Variants in RPRD2 observed in about 807,000 individuals in gnomAD.
RPRD2 encodes the protein regulation of nuclear pre-mRNA domain-containing protein 2.
A neutral mutation model predicts 104.4 loss-of-function variants in RPRD2; 12 were observed. The observed-to-expected ratio is 0.11, with a 90% CI of 0.07 to 0.19. The LOEUF (loss-of-function observed/expected upper bound fraction) is 0.19. RPRD2 is among the 10% of genes least tolerant of loss of function. The pLI, the probability that RPRD2 is intolerant of heterozygous loss-of-function variation, is 1.00. For synonymous variants in RPRD2, 714 were observed against 684.9 expected, an observed-to-expected ratio of 1.04 and a Z score of -0.66; for missense variants, 1,543 against 1,790.1, an observed-to-expected ratio of 0.86 and a Z score of 2.49.
chr1:150,452,661 CTTTTT>C (rs782322743), intron 7 of RPRD2, among the ~76,000 whole-genome samples: 184 of 71,240 alleles, frequency 2.6e-3, no homozygotes, highest in African/African-American at 1.0e-2. Context: ...GACATATCCC[CTTTTT>C]TTTTTTTTTT....
intron 7 of RPRD2, among the ~76,000 whole-genome samples, chr1:150,450,616 A>C (rs1227254461): frequency 4.7e-5 from 7 of 149,484 alleles, no homozygotes; most frequent in Non-Finnish European, 1.0e-4. Context: ...AAAAAAAAAA[A>C]AAAAAAAAAA....
At chr1:150,435,581 A>G (rs782237791) in intron 2 of RPRD2, among the ~76,000 whole-genome samples, 2 of 152,248 alleles carry the variant, frequency 1.3e-5, no homozygotes, top group Non-Finnish European at 2.9e-5. Flanking sequence ...ATCAAGCCAG[A>G]TACAACATAA....
At chr1:150,428,985 AT>A (rs1156454638) in intron 2 of RPRD2, among the ~76,000 whole-genome samples, 22 of 149,780 alleles carry the variant, frequency 1.5e-4, no homozygotes, top group Non-Finnish European at 2.4e-4. Context: ...AGGTCAGCCA[AT>A]TTTTTTTTTA....
chr1:150,471,681 G>A lies in RPRD2; in HGVS notation c.2733G>A (p.Gly911=), dbSNP rs776988265. 1 of 1,613,836 alleles carries A rather than the reference G, an allele frequency of 6.2e-7. No individual in the cohort carries two copies. The highest frequency in any genetic ancestry group is 1.6e-4 in the Middle Eastern group (1 of 6,062). Residue 911 remains glycine (G), a synonymous_variant, in exon 11 of 11, where the codon GGG becomes GGA. Coordinates refer to ENST00000369068, the MANE Select transcript of RPRD2 (RefSeq NM_015203.5). This position sits in a 1 kb window ranked among gnomAD's most constrained non-coding sequence, Gnocchi z 5.3. The part of the protein sequence containing the change: ...ENCDRLSSSP[G]LFGAFSVRGN... ...GTGACCGTCTCTCATCTTCCCCTGGGCTATTTGGTGCCTTCAGCGTAAGAG... is the reference window on the plus strand; with the variant it reads ...GTGACCGTCTCTCATCTTCCCCTGGACTATTTGGTGCCTTCAGCGTAAGAG...
At chr1:150,410,891 T>G (rs978961843) in intron 1 of RPRD2, among the ~76,000 whole-genome samples, 6 of 152,168 alleles carry the variant, frequency 3.9e-5, no homozygotes, top group African/African-American at 1.4e-4. Context: ...CCTTCCTGGC[T>G]TTAGTCTGTC....
intron 2 of RPRD2, among the ~76,000 whole-genome samples, chr1:150,433,880 TATA>T (rs1348120951): frequency 4.0e-5 from 1 of 24,920 alleles, no homozygotes; most frequent in Non-Finnish European, 1.0e-4. Context: ...TATATATAGT[TATA>T]TTATGTGTAT....
chr1:150,396,817 C>G (rs1353875548), intron 1 of RPRD2, among the ~76,000 whole-genome samples: 3 of 152,080 alleles, frequency 2.0e-5, no homozygotes, highest in Non-Finnish European at 2.9e-5. Context: ...GTCACCAAAA[C>G]AGCATGGTAC....
intron 1 of RPRD2, among the ~76,000 whole-genome samples, chr1:150,384,136 A>G (rs977229872): frequency 6.6e-6 from 1 of 152,128 alleles, no homozygotes; most frequent in South Asian, 2.1e-4. Flanking sequence ...TTATTTGACC[A>G]TGGAATCCCT....
intron 10 of RPRD2, among the ~76,000 whole-genome samples, chr1:150,467,664 G>A (rs1668366866): frequency 1.3e-5 from 2 of 152,084 alleles, no homozygotes; most frequent in Admixed American, 1.3e-4. Flanking sequence ...GTGAACCACC[G>A]TGCCTGGCCG....
chr1:150,384,451 A>ATTC (rs1430725301), intron 1 of RPRD2, among the ~76,000 whole-genome samples: 1 of 27,712 alleles, frequency 3.6e-5, no homozygotes, highest in African/African-American at 1.0e-4. Context: ...CATCATCATC[A>ATTC]TTATTATTAT....
At chr1:150,456,627 TAAA>T (rs149595688) in intron 7 of RPRD2, among the ~76,000 whole-genome samples, 6 of 143,792 alleles carry the variant, frequency 4.2e-5, no homozygotes, top group Non-Finnish European at 7.6e-5. Context: ...AAATTTTATT[TAAA>T]AAAAAAAAAA....
intron 1 of RPRD2, among the ~76,000 whole-genome samples, chr1:150,396,448 T>G (rs1662535223): frequency 6.6e-6 from 1 of 152,122 alleles, no homozygotes; most frequent in South Asian, 2.1e-4. Context: ...TCTAGAAGGG[T>G]TTTTCCATTG....
intron 1 of RPRD2, among the ~76,000 whole-genome samples, chr1:150,380,278 G>A (rs1661026975): frequency 1.3e-5 from 2 of 152,178 alleles, no homozygotes; most frequent in East Asian, 3.8e-4. Flanking sequence ...TTGCTTTGAT[G>A]TCCTTGTCTT....
chr1:150,382,225 T>C (rs1160727347), intron 1 of RPRD2, among the ~76,000 whole-genome samples: 3 of 73,440 alleles, frequency 4.1e-5, no homozygotes, highest in Non-Finnish European at 1.2e-4. Flanking sequence ...TTGAGCCCTT[T>C]CTTATTAATA....
chr1:150,466,504 A>G (rs1296973261), intron 10 of RPRD2, among the ~76,000 whole-genome samples: 2 of 146,340 alleles, frequency 1.4e-5, no homozygotes, highest in Non-Finnish European at 3.0e-5. Flanking sequence ...CGCTGTGGTC[A>G]CCCCACTGTA....
At chr1:150,458,582 G>A (rs1237940734) in intron 8 of RPRD2, among the ~76,000 whole-genome samples, 4 of 152,086 alleles carry the variant, frequency 2.6e-5, no homozygotes, top group Admixed American at 2.6e-4. Context: ...AAATATTTGG[G>A]ATATATTAGG....
At chr1:150,449,294 A>G (rs1553896105) in intron 7 of RPRD2, among the ~76,000 whole-genome samples, 1 of 152,166 alleles carries the variant, frequency 6.6e-6, no homozygotes, top group Non-Finnish European at 1.5e-5. Flanking sequence ...TATCTTTTGC[A>G]AAGAGCATAT....
At chr1:150,383,357 T>G (rs1553881176) in intron 1 of RPRD2, among the ~76,000 whole-genome samples, 1 of 143,708 alleles carries the variant, frequency 7.0e-6, no homozygotes, top group Non-Finnish European at 1.5e-5. Flanking sequence ...TTGCCTAGGC[T>G]GGAGTGCAGT....
chr1:150,462,150 C>T (rs1238748049), intron 9 of RPRD2, among the ~76,000 whole-genome samples: 2 of 151,960 alleles, frequency 1.3e-5, no homozygotes, highest in African/African-American at 4.8e-5. Context: ...GGCATGGTGG[C>T]ATGCATCTGT....
Sources: gnomAD v4.1 joint callset for allele counts (sites outside exome capture counted in the v4.1 genomes callset) on GRCh38, gnomAD v4.1.1 for gene constraint, Gnocchi (gnomAD v3.1) non-coding constraint, MANE v1.5 for transcripts, NCBI Gene and HGNC (gene_info 2026-07-23, HGNC 2026-07-21) for gene names.